Variants in TTC21A observed in about 807,000 individuals in gnomAD.
TTC21A encodes tetratricopeptide repeat protein 21A.
TTC21A carries 128 observed loss-of-function variants against 156.4 expected under a neutral mutation model. The observed-to-expected ratio is 0.82, with a 90% CI of 0.71 to 0.95. The LOEUF (loss-of-function observed/expected upper bound fraction) is 0.95, where lower values mean the gene tolerates loss of function less well. TTC21A is among the 40% of genes least tolerant of loss of function. The pLI is 0.00. For missense variants in TTC21A, 1,435 were observed against 1,602.3 expected (o/e 0.90, Z 1.78); for synonymous variants, 587 against 617.1 (o/e 0.95, Z 0.72).
rs747015950 is a variant in TTC21A at position 39,107,834 on chromosome 3, C to G, written c.-4C>G. 6.2e-6 allele frequency: 10 copies of G among 1,612,816 alleles called. No individual in the cohort carries two copies. The highest frequency in any genetic ancestry group is 8.5e-6 in the Non-Finnish European group (10 of 1,179,948). On this transcript the variant is annotated 5_prime_UTR_variant, in exon 1 of 29. Transcript: ENST00000683103. ...CCCGGACTCGGAGCCGCGAGCGGCC[C>G]GAGATGAGCAGCAATGACTCCTCCC...
chr3:39,136,377 A>G lies in TTC21A; in HGVS notation c.2965A>G (p.Lys989Glu). The G allele has an allele frequency of 6.2e-7, 1 of 1,613,306 alleles. No homozygotes were observed. The highest frequency in any genetic ancestry group is 8.5e-7 in the Non-Finnish European group (1 of 1,179,726). Reference protein sequence around the residue: ...KAPDNFLVLHKLIDLLRRSGK... With the variant: ...KAPDNFLVLHELIDLLRRSGK... ...TTTAGACAATTTTTTGGTATTGCAT[A>G]AATTAATCGATCTGCTAAGAAGAAG... is the stretch of plus-strand genomic sequence containing the variant. The change falls in exon 23 of 29, where the codon AAA becomes GAA. Residue 989 changes from lysine (K) to glutamate (E), a missense_variant. By Grantham distance (56) the Lys-to-Glu change is moderately conservative. Transcript: ENST00000683103.
At chr3:39,111,648 G>A (rs2036839577) in intron 4 of TTC21A, among the ~76,000 whole-genome samples, 1 of 152,032 alleles carries the variant, frequency 6.6e-6, no homozygotes, top group Admixed American at 6.5e-5. Context: ...CTGGGGGAGA[G>A]GGTGAAAAAA....
In TTC21A at chr3:39,109,209, A is replaced by G. The variant is rs1323559637; in HGVS notation, c.152A>G (p.Lys51Arg). Residue 51 changes from lysine to arginine, a missense_variant, in exon 2 of 29, where the codon AAA becomes AGA. Transcript: ENST00000683103. ...LKFFKAYGVL[K>R]EEHIQDAISD... ...TTCTTTAAAGCCTATGGAGTCCTCAAAGAAGGTAAGGACTTGGCAGTGTTG... is the reference window on the plus strand; with the variant it reads ...TTCTTTAAAGCCTATGGAGTCCTCAGAGAAGGTAAGGACTTGGCAGTGTTG... 1 of 1,613,396 alleles carries G rather than the reference A, an allele frequency of 6.2e-7. No individual in the cohort carries two copies. The highest frequency in any genetic ancestry group is 8.5e-7 in the Non-Finnish European group (1 of 1,179,390).
At chr3:39,124,280 AG>A (rs1386914052) in intron 9 of TTC21A, among the ~76,000 whole-genome samples, 3 of 152,236 alleles carry the variant, frequency 2.0e-5, no homozygotes, top group Admixed American at 6.5e-5. Flanking sequence ...TTACATCCAC[AG>A]TAAAACATTG....
intron 19 of TTC21A, chr3:39,132,640 T>A: frequency 4.6e-6 from 1 of 218,550 alleles, no homozygotes; most frequent in Admixed American, 5.9e-5. Flanking sequence ...CCTGATCATT[T>A]GTGTGGTGAA....
chr3:39,129,152 C>G lies in TTC21A; in HGVS notation c.1977C>G (p.Asn659Lys). The change falls in exon 15 of 29, where the codon AAC becomes AAG. Residue 659 changes from asparagine to lysine, a missense_variant. Physicochemically the swap from Asn to Lys is moderately conservative, Grantham distance 94 (BLOSUM62 0). Transcript: ENST00000683103. ...AAGAGAACCGCATCACCATTGCCAA[C>G]GTGGACTTGGTCCTGAGCAAGGGCA... ...TPEENRITIA[N>K]VDLVLSKGNV... is the part of the protein sequence containing the mutation. 2 of 1,614,248 alleles carry G rather than the reference C, an allele frequency of 1.2e-6. No individual in the cohort carries two copies. Among genetic ancestry groups the G allele is most frequent in the Non-Finnish European group, 1.7e-6 (2 of 1,180,040 alleles).
chr3:39,133,172 G>A lies in TTC21A; in HGVS notation c.2683G>A (p.Glu895Lys). 6.2e-7 allele frequency: 1 copy of A among 1,614,222 alleles called. No homozygotes were observed. The highest frequency in any genetic ancestry group is 8.5e-7 in the Non-Finnish European group (1 of 1,180,044). The change falls in exon 20 of 29, where the codon GAG becomes AAG. Residue 895 changes from glutamate to lysine, a missense_variant. Coordinates refer to ENST00000683103, the MANE Select transcript of TTC21A (RefSeq NM_001366900.1). ...CCAATTTGCAGAGCACTACCTGGCA[G>A]AGAAAGAGTATGACAAGGCGGTACA... ...CIQFAEHYLA[E>K]KEYDKAVQSY...
chr3:39,127,593 G>T (rs1359297238), intron 12 of TTC21A, among the ~76,000 whole-genome samples: 1 of 152,168 alleles, frequency 6.6e-6, no homozygotes, highest in African/African-American at 2.4e-5. Flanking sequence ...TACCCACCAG[G>T]TTATGGATCC....
At position 39,121,038 on chromosome 3, in the gene TTC21A, C is replaced by G; in HGVS notation, c.942C>G (p.Phe314Leu). ...HQVILGLVCS[F>L]IERTFMATPS... The stretch of plus-strand genomic sequence containing the variant: ...TGATTCTAGGGCTAGTGTGTAGTTT[C>G]ATCGAGCGCACCTTCATGGCCACCC... Residue 314 changes from phenylalanine (F) to leucine (L), a missense_variant, in exon 9 of 29, where the codon TTC (phenylalanine) becomes TTG (leucine). Coordinates refer to ENST00000683103, the MANE Select transcript of TTC21A (RefSeq NM_001366900.1). The G allele has an allele frequency of 6.2e-7, 1 of 1,613,304 alleles. No individual in the cohort carries two copies. The highest frequency in any genetic ancestry group is 1.1e-5 in the South Asian group (1 of 90,990).
In TTC21A at chr3:39,129,203, A is replaced by T. The variant is rs1168950051; in HGVS notation, c.2028A>T (p.Leu676=). 1.9e-6 allele frequency: 3 copies of T among 1,614,094 alleles called. No individual in the cohort carries two copies. Among genetic ancestry groups the T allele is most frequent in the South Asian group, 2.2e-5 (2 of 91,086 alleles). The change falls in exon 15 of 29, where the codon CTA becomes CTT. Residue 676 remains leucine, a synonymous_variant. Transcript: ENST00000683103. ...ATGTGGACGTGGCGCTGAACATGCT[A>T]AGGAACATCTTGCCCAAGCAGTCCT... is the stretch of plus-strand genomic sequence containing the variant. The part of the protein sequence containing the change: ...KGNVDVALNM[L]RNILPKQSCY...
intron 20 of TTC21A, among the ~76,000 whole-genome samples, chr3:39,133,858 G>C (rs1371030987): frequency 1.3e-5 from 2 of 152,234 alleles, no homozygotes; most frequent in Non-Finnish European, 2.9e-5. Flanking sequence ...GAGAGCACAG[G>C]CAGCGCTAAT....
intron 22 of TTC21A, chr3:39,136,083 C>T (rs1369801456): frequency 4.3e-6 from 1 of 231,984 alleles, no homozygotes; most frequent in African/African-American, 2.3e-5. Flanking sequence ...GATTAGGTAC[C>T]TACCTAATCT....
Position 39,107,725 on chromosome 3 carries a change from G to C in TTC21A, c.-113G>C. ...AACCGGCTAGCAGCTCGGTTTCCAA[G>C]GACTGTAACGCCTTCAACCGCCCGC... is the stretch of plus-strand genomic sequence containing the variant. On this transcript the variant is annotated 5_prime_UTR_variant, in exon 1 of 29. Coordinates refer to ENST00000683103, the MANE Select transcript of TTC21A (RefSeq NM_001366900.1). 2 of 1,493,972 alleles carry C rather than the reference G, an allele frequency of 1.3e-6. No individual in the cohort carries two copies. The highest frequency in any genetic ancestry group is 1.8e-6 in the Non-Finnish European group (2 of 1,082,576). 92.5% of individuals were successfully genotyped at this position (1,493,972 alleles called of 1,614,324 possible).
chr3:39,130,035 T>C lies in TTC21A; in HGVS notation c.2136-44T>C, dbSNP rs756561635. On this transcript the variant is annotated intron_variant, in intron 15 of 28. Transcript: ENST00000683103. The surrounding 1 kb of genome is among the most constrained non-coding windows in gnomAD (Gnocchi z 4.5). ...AGGAGATGATTTCAGGAACATGAGG[T>C]GTGTGCGAACCTGGGATAAGCTTTT... The C allele has an allele frequency of 4.7e-5, 74 of 1,589,078 alleles. No individual in the cohort carries two copies. The highest frequency in any genetic ancestry group is 6.0e-5 in the Non-Finnish European group (69 of 1,159,548).
chr3:39,129,387 C>T (rs1007250346), intron 15 of TTC21A, 77 bp downstream of exon 15: 5 of 1,114,164 alleles, frequency 4.5e-6, no homozygotes, highest in Non-Finnish European at 6.8e-6. Flanking sequence ...GATGGTATTT[C>T]TTCAACCTGG....
At position 39,138,840 on chromosome 3, in the gene TTC21A, G is replaced by T. The variant is rs2039337485; in HGVS notation, c.*52G>T. 2.0e-6 allele frequency: 3 copies of T among 1,500,806 alleles called. No individual in the cohort carries two copies. The allele number at this position is 1,500,806 out of a possible 1,614,324, so 93.0% of individuals were successfully genotyped here. A position where few individuals can be genotyped will look rare whatever the true frequency, so the allele number is the denominator to read the frequency against. On this transcript the variant is annotated 3_prime_UTR_variant, in exon 29 of 29. Coordinates refer to ENST00000683103, the MANE Select transcript of TTC21A (RefSeq NM_001366900.1). ...GAAGCCATCAACCTACTGAAGTTGTGTGGAGGGATGGAAAGTGGGTCAGTG... is the reference window on the plus strand; with the variant it reads ...GAAGCCATCAACCTACTGAAGTTGTTTGGAGGGATGGAAAGTGGGTCAGTG...
At position 39,128,900 on chromosome 3, in the gene TTC21A, C is replaced by G. The variant is rs767739006; in HGVS notation, c.1864C>G (p.Leu622Val). The G allele has an allele frequency of 6.2e-7, 1 of 1,614,218 alleles. No homozygotes were observed. The highest frequency in any genetic ancestry group is 1.1e-5 in the South Asian group (1 of 91,088). Reference sequence around the variant, plus strand: ...CCAGCGGGCATCCATCTTATTGGAACTGGTGGAGGCCCTCCGGCTGAATGG... The same window carrying G: ...CCAGCGGGCATCCATCTTATTGGAAGTGGTGGAGGCCCTCCGGCTGAATGG... ...PSQRASILLE[L>V]VEALRLNGEL... The change falls in exon 14 of 29, where the codon CTG becomes GTG. Residue 622 changes from leucine to valine, a missense_variant. Coordinates refer to ENST00000683103, the MANE Select transcript of TTC21A (RefSeq NM_001366900.1).
Position 39,134,367 on chromosome 3 carries a change from C to T in TTC21A, c.2862+39C>T. ...AGCACCCACTCCCTCCCCTCCCTTC[C>T]TCCCTTCCCAGGGTCCCTGTGACCA... On this transcript the variant is annotated intron_variant, in intron 21 of 28. Transcript: ENST00000683103. This position sits in a 1 kb window ranked among gnomAD's most constrained non-coding sequence, Gnocchi z 4.6. The T allele has an allele frequency of 7.0e-7, 1 of 1,438,044 alleles. No homozygotes were observed. 89.1% of individuals were successfully genotyped at this position (1,438,044 alleles called of 1,614,324 possible). A position where few individuals can be genotyped will look rare whatever the true frequency, so the allele number is the denominator to read the frequency against.
chr3:39,109,354 G>A (rs2036589179), intron 2 of TTC21A, 140 bp downstream of exon 2: 2 of 915,304 alleles, frequency 2.2e-6, no homozygotes, highest in East Asian at 5.4e-5. Flanking sequence ...ATTCCCACGG[G>A]AATCCACAGA....
Sources: gnomAD v4.1 joint callset for allele counts (sites outside exome capture counted in the v4.1 genomes callset) on GRCh38, gnomAD v4.1.1 for gene constraint, Gnocchi (gnomAD v3.1) non-coding constraint, MANE v1.5 for transcripts, NCBI Gene and HGNC (gene_info 2026-07-23, HGNC 2026-07-21) for gene names.